Variants in ERG28 observed in about 807,000 individuals in gnomAD.
ERG28 encodes ergosterol biosynthesis 28 homolog, also known as ergosterol biosynthetic protein 28 homolog.
A neutral mutation model predicts 15.7 loss-of-function variants in ERG28; 9 were observed. The ratio of observed to expected loss-of-function variants is 0.57; its 90% confidence interval spans 0.35 to 1.00. ERG28 has a LOEUF of 1.00. ERG28 is among the 50% of genes least tolerant of loss of function. The pLI is 0.02. For missense variants in ERG28, 117 were observed against 173.3 expected, an observed-to-expected ratio of 0.68 and a Z score of 1.82; for synonymous variants, 61 against 68.4, an observed-to-expected ratio of 0.89 and a Z score of 0.53.
At chr14:75,658,074 C>G (rs888163995) in intron 1 of ERG28, among the ~76,000 whole-genome samples, 1 of 152,286 alleles carries the variant, frequency 6.6e-6, no homozygotes, top group South Asian at 2.1e-4. Context: ...CTGAACAGAG[C>G]CCCTCTTGGC....
intron 3 of ERG28, among the ~76,000 whole-genome samples, chr14:75,654,240 T>G (rs1000147661): frequency 6.6e-6 from 1 of 152,232 alleles, no homozygotes; most frequent in Non-Finnish European, 1.5e-5. Context: ...GGCATTCAGA[T>G]AGCCTCCCTC....
At chr14:75,655,778 A>G (rs1480599368) in intron 2 of ERG28, among the ~76,000 whole-genome samples, 1 of 151,768 alleles carries the variant, frequency 6.6e-6, no homozygotes, top group Admixed American at 6.6e-5. Flanking sequence ...TTTTCTAGAA[A>G]CTCCCTGTTT....
intron 2 of ERG28, among the ~76,000 whole-genome samples, chr14:75,656,136 T>C (rs563624891): frequency 3.1e-4 from 47 of 152,264 alleles, no homozygotes; most frequent in Non-Finnish European, 5.3e-4. Context: ...TTTCTCTAGT[T>C]AAGAGTACTC....
chr14:75,657,599 G>T, intron 1 of ERG28, 66 bp from the exon 2 acceptor site: 1 of 1,473,598 alleles, frequency 6.8e-7, no homozygotes, highest in Non-Finnish European at 9.3e-7. Context: ...AAGCAGGAAG[G>T]GAGGAAGAAT....
intron 4 of ERG28, 33 bp downstream of exon 4, chr14:75,651,738 C>T (rs754206614): frequency 6.3e-7 from 1 of 1,596,708 alleles, no homozygotes; most frequent in Admixed American, 1.7e-5. Flanking sequence ...TGGCACAGCT[C>T]CTGTAGGAGG....
intron 3 of ERG28, among the ~76,000 whole-genome samples, chr14:75,654,462 A>AT (rs1890572675): frequency 6.6e-6 from 1 of 152,126 alleles, no homozygotes; most frequent in East Asian, 1.9e-4. Context: ...CACATACAAC[A>AT]GTTTACTTGT....
intron 1 of ERG28, among the ~76,000 whole-genome samples, chr14:75,659,009 TA>T (rs1459682036): frequency 6.6e-6 from 1 of 152,218 alleles, no homozygotes; most frequent in Non-Finnish European, 1.5e-5. Context: ...AAGAAAATAA[TA>T]GGTTTCAGTC....
At position 75,657,428 on chromosome 14, in the gene ERG28, C is replaced by T. The variant is rs770721044; in HGVS notation, c.75G>A (p.Gln25=). 2 of 1,614,148 alleles carry T rather than the reference C, an allele frequency of 1.2e-6. No individual in the cohort carries two copies. Among genetic ancestry groups the T allele is most frequent in the South Asian group, 2.2e-5 (2 of 91,078 alleles). ...VSIIAMGNTL[Q]SFRDHTFLYE... is the part of the protein sequence containing the mutation. ...AGAGAAAAGTGTGGTCTCGGAAGCT[C>T]TGCAGCGTGTTCCCCATGGCTATGA... The change falls in exon 2 of 5, where the codon CAG becomes CAA. Residue 25 remains glutamine, a synonymous_variant. Transcript: ENST00000256319.
At chr14:75,653,396 G>T (rs1398220394) in intron 3 of ERG28, among the ~76,000 whole-genome samples, 1 of 151,776 alleles carries the variant, frequency 6.6e-6, no homozygotes, top group African/African-American at 2.4e-5. Flanking sequence ...GAGGTCAGGA[G>T]TTCGAGACCA....
intron 2 of ERG28, among the ~76,000 whole-genome samples, chr14:75,656,642 G>A (rs1348804104): frequency 1.3e-5 from 2 of 152,186 alleles, no homozygotes; most frequent in Non-Finnish European, 2.9e-5. Flanking sequence ...ATGTGACACA[G>A]AATTGTCATC....
chr14:75,654,123 G>C (rs1437860945), intron 3 of ERG28, among the ~76,000 whole-genome samples: 1 of 152,178 alleles, frequency 6.6e-6, no homozygotes, highest in Non-Finnish European at 1.5e-5. Flanking sequence ...AGATCACGTA[G>C]ATAAAAGCTC....
intron 1 of ERG28, among the ~76,000 whole-genome samples, chr14:75,659,867 GCCC>G (rs10716402): frequency 5.5e-5 from 8 of 144,248 alleles, no homozygotes; most frequent in African/African-American, 1.8e-4. Flanking sequence ...AAACACCGCC[GCCC>G]CCCCCCGCCA....
At chr14:75,659,344 TTTTAA>T (rs1434189983) in intron 1 of ERG28, among the ~76,000 whole-genome samples, 1 of 152,156 alleles carries the variant, frequency 6.6e-6, no homozygotes, top group Non-Finnish European at 1.5e-5. Context: ...ACTTTTTGTT[TTTTAA>T]TTTATTATTT....
intron 1 of ERG28, among the ~76,000 whole-genome samples, chr14:75,658,281 A>G (rs1184445189): frequency 1.3e-5 from 2 of 152,246 alleles, no homozygotes; most frequent in Non-Finnish European, 1.5e-5. Flanking sequence ...ACAAGACCTA[A>G]GGCCATGCCA....
intron 1 of ERG28, among the ~76,000 whole-genome samples, chr14:75,660,040 C>T (rs969336687): frequency 6.6e-6 from 1 of 152,152 alleles, no homozygotes; most frequent in African/African-American, 2.4e-5. Flanking sequence ...GGCCAAGATC[C>T]ACCCATCCTC....
intron 3 of ERG28, among the ~76,000 whole-genome samples, chr14:75,653,849 C>T (rs999676997): frequency 6.6e-6 from 1 of 151,870 alleles, no homozygotes; most frequent in Non-Finnish European, 1.5e-5. Context: ...TACTGCAAAG[C>T]TAGTTACCAA....
rs1890552006 is a variant in ERG28 at position 75,653,266 on chromosome 14, C to T, written c.225-1377G>A. On this transcript the variant is annotated intron_variant, in intron 3 of 4. Transcript: ENST00000256319. ...AACAGGAGTCAGCGTTTGCAGCTGT[C>T]CTGTGTGGGGAGAGGTGAAAGTAAA... is the stretch of plus-strand genomic sequence containing the variant. 1.3e-5 allele frequency among the ~76,000 whole-genome samples: 2 copies of T among 152,026 alleles called. 1 individual carries two copies. Among genetic ancestry groups the T allele is most frequent in the South Asian group, 4.1e-4 (2 of 4,820 alleles).
At chr14:75,652,610 A>G (rs1448797917) in intron 3 of ERG28, among the ~76,000 whole-genome samples, 3 of 152,182 alleles carry the variant, frequency 2.0e-5, no homozygotes, top group Non-Finnish European at 4.4e-5. Flanking sequence ...ACTGAACACT[A>G]TAATGAACAC....
At position 75,654,936 on chromosome 14, in the gene ERG28, C is replaced by T. The variant is rs1321904856; in HGVS notation, c.174G>A (p.Leu58=). The change falls in exon 3 of 5, where the codon CTG becomes CTA. Residue 58 remains leucine, a synonymous_variant. Coordinates refer to ENST00000256319, the MANE Select transcript of ERG28 (RefSeq NM_007176.4). ...AGAGGCAGCGAATCACTGATGAGAG[C>T]AGCGTCCAGATCCCAAAGGTCCGAG... The part of the protein sequence containing the change: ...LQARTFGIWT[L]LSSVIRCLCA... 2 of 1,614,118 alleles carry T rather than the reference C, an allele frequency of 1.2e-6. No individual in the cohort carries two copies. The highest frequency in any genetic ancestry group is 4.5e-5 in the East Asian group (2 of 44,884).
Sources: gnomAD v4.1 joint callset for allele counts (sites outside exome capture counted in the v4.1 genomes callset) on GRCh38, gnomAD v4.1.1 for gene constraint, MANE v1.5 for transcripts, NCBI Gene and HGNC (gene_info 2026-07-23, HGNC 2026-07-21) for gene names.